PTK2: variants seen among roughly 807,000 people sequenced by gnomAD.
PTK2 encodes focal adhesion kinase 1.
Under a neutral mutation model 150.1 loss-of-function variants are expected in PTK2, and 45 were observed. The ratio of observed to expected loss-of-function variants is 0.30; its 90% CI spans 0.24 to 0.38. PTK2 has a LOEUF of 0.38. Ranked by LOEUF, PTK2 falls within the 10% of genes least tolerant of loss-of-function variation. PTK2 has a pLI of 1.00. For synonymous variants in PTK2, 432 were observed against 449.2 expected, an observed-to-expected ratio of 0.96 and a Z score of 0.48; for missense variants, 919 against 1,307.3, an observed-to-expected ratio of 0.70 and a Z score of 4.58.
intron 26 of PTK2, among the ~76,000 whole-genome samples, chr8:140,700,184 C>G (rs1008380415): frequency 6.6e-6 from 1 of 152,124 alleles, no homozygotes; most frequent in Non-Finnish European, 1.5e-5. Flanking sequence ...TTCTGAAACA[C>G]ACATGGCCCT....
At chr8:140,945,182 T>C (rs776370500) in intron 1 of PTK2, among the ~76,000 whole-genome samples, 18 of 152,234 alleles carry the variant, frequency 1.2e-4, no homozygotes, top group Non-Finnish European at 2.2e-4. Flanking sequence ...TTGTAACCAA[T>C]GCGTAAAGAT....
At chr8:140,931,772 C>CA (rs1415625674) in intron 1 of PTK2, among the ~76,000 whole-genome samples, 7 of 150,548 alleles carry the variant, frequency 4.6e-5, no homozygotes, top group African/African-American at 1.5e-4. Context: ...CCCATCTCTA[C>CA]AAAAAAATTT....
intron 21 of PTK2, among the ~76,000 whole-genome samples, chr8:140,736,840 A>G (rs1163733975): frequency 6.6e-6 from 1 of 152,184 alleles, no homozygotes; most frequent in Non-Finnish European, 1.5e-5. Context: ...CTTCTATCAC[A>G]AAACAATGTA....
intron 5 of PTK2, among the ~76,000 whole-genome samples, chr8:140,847,045 T>C (rs561051530): frequency 6.6e-6 from 1 of 152,264 alleles, no homozygotes; most frequent in African/African-American, 2.4e-5. Flanking sequence ...AATGGGACAT[T>C]AAGAAACAAC....
At chr8:140,976,772 T>C (rs995262784) in intron 1 of PTK2, among the ~76,000 whole-genome samples, 6 of 152,270 alleles carry the variant, frequency 3.9e-5, no homozygotes, top group African/African-American at 1.4e-4. Flanking sequence ...TAATCTTTTT[T>C]TCATAACTAA....
At chr8:140,896,468 G>T (rs1228100826) in intron 2 of PTK2, among the ~76,000 whole-genome samples, 1 of 152,112 alleles carries the variant, frequency 6.6e-6, no homozygotes, top group Admixed American at 6.5e-5. Context: ...ATAGAAGAAA[G>T]GTATTCATTC....
Position 140,778,964 on chromosome 8 carries a change from G to A in PTK2, c.1177+10510C>T, listed in dbSNP as rs151234280. 4.5e-3 allele frequency among the ~76,000 whole-genome samples: 684 copies of A among 152,194 alleles called. 4 individuals are homozygous for A. The highest frequency in any genetic ancestry group is 0.016 in the African/African-American group (647 of 41,516). On this transcript the variant is annotated intron_variant, in intron 14 of 31. Transcript: ENST00000522684. ...CAGACAGCACCACTGGAAGAATGGA[G>A]AGAAGAGGTGCTGGGGCTGGGCACA...
chr8:140,691,363 T>G (rs1470845742), intron 26 of PTK2, among the ~76,000 whole-genome samples: 2 of 152,204 alleles, frequency 1.3e-5, no homozygotes, highest in Non-Finnish European at 2.9e-5. Flanking sequence ...CTGTCCTGAT[T>G]TTCATCTATG....
chr8:140,864,794 A>C (rs1477641753), intron 4 of PTK2, among the ~76,000 whole-genome samples: 1 of 152,250 alleles, frequency 6.6e-6, no homozygotes, highest in African/African-American at 2.4e-5. Context: ...AGCTTTAAGA[A>C]TGGATAAAAC....
At chr8:140,870,792 A>C (rs748680614) in intron 4 of PTK2, among the ~76,000 whole-genome samples, 22 of 152,224 alleles carry the variant, frequency 1.4e-4, no homozygotes, top group Non-Finnish European at 3.2e-4. Context: ...ACAAGTTAAA[A>C]TTTGAATACT....
chr8:140,863,743 A>G (rs1034199538), intron 5 of PTK2, among the ~76,000 whole-genome samples: 4 of 152,242 alleles, frequency 2.6e-5, no homozygotes, highest in Non-Finnish European at 4.4e-5. Context: ...TCCACTAGAC[A>G]GAAGAATTTA....
chr8:140,967,908 ATAT>A (rs1414680438), intron 1 of PTK2, among the ~76,000 whole-genome samples: 2 of 152,248 alleles, frequency 1.3e-5, no homozygotes, highest in African/African-American at 4.8e-5. Context: ...GCTGCAACCT[ATAT>A]TCTGAAAGAA....
chr8:140,840,609 A>C (rs2100121771), intron 7 of PTK2, among the ~76,000 whole-genome samples: 1 of 152,206 alleles, frequency 6.6e-6, no homozygotes, highest in Admixed American at 6.5e-5. Flanking sequence ...AGGGTAACTA[A>C]TGAAAGAGTA....
intron 29 of PTK2, chr8:140,669,424 C>T (rs1320300729): frequency 1.3e-5 from 4 of 305,240 alleles, no homozygotes; most frequent in Admixed American, 9.9e-5. Context: ...TATAAGTTCC[C>T]ATTTCTGAAC....
At chr8:140,744,922 A>G in intron 18 of PTK2, 155 bp from the exon 22 acceptor site, 1 of 433,190 alleles carries the variant, frequency 2.3e-6, no homozygotes. Flanking sequence ...AATAAAGCAT[A>G]ATAAATGAAA....
chr8:140,932,697 T>C (rs2100172280), intron 1 of PTK2, among the ~76,000 whole-genome samples: 1 of 152,224 alleles, frequency 6.6e-6, no homozygotes, highest in African/African-American at 2.4e-5. Context: ...GATATTTGCA[T>C]CTTCTATGAT....
chr8:140,669,564 A>G (rs2094486134), intron 29 of PTK2, 163 bp downstream of exon 33: 5 of 659,732 alleles, frequency 7.6e-6, no homozygotes, highest in African/African-American at 1.8e-5. Flanking sequence ...ATTCTTTTGC[A>G]TATATAAACA....
chr8:140,987,647 A>G (rs921171157), intron 1 of PTK2, among the ~76,000 whole-genome samples: 3 of 152,256 alleles, frequency 2.0e-5, no homozygotes, highest in African/African-American at 4.8e-5. Context: ...CAAGACTGAC[A>G]ATAACGAGTG....
intron 29 of PTK2, chr8:140,669,943 A>G: frequency 1.6e-6 from 1 of 614,190 alleles, no homozygotes; most frequent in Non-Finnish European, 2.9e-6. Flanking sequence ...CTGCCCCAGC[A>G]TACTGCATAG....
Sources: allele counts gnomAD v4.1 joint callset (sites outside exome capture counted in the v4.1 genomes callset), GRCh38; gene constraint gnomAD v4.1.1; transcripts MANE v1.5; gene names NCBI Gene and HGNC (gene_info 2026-07-23, HGNC 2026-07-21).